The following SLC25A48 variants were observed in gnomAD, a reference collection of about 807,000 sequenced individuals.
SLC25A48 encodes the protein CTC-321K16.1.
SLC25A48 carries 29 observed loss-of-function variants against 32.2 expected under a neutral mutation model. The observed-to-expected ratio is 0.90, with a 90% CI of 0.67 to 1.23. SLC25A48 has a LOEUF of 1.23. Ranked by LOEUF, SLC25A48 falls within the 50% of genes most tolerant of loss-of-function variation. SLC25A48 has a pLI of 0.00. For missense variants in SLC25A48, 399 were observed against 422.7 expected (o/e 0.94, Z 0.49); for synonymous variants, 164 against 172.3 (o/e 0.95, Z 0.38).
intron 2 of SLC25A48, 109 bp downstream of exon 2, chr5:135,842,568 C>T: frequency 8.4e-7 from 1 of 1,187,226 alleles, no homozygotes; most frequent in Admixed American, 1.8e-5. Context: ...CTGCCCAGGG[C>T]AGACTCTCTG....
In SLC25A48 at chr5:135,667,566, C is replaced by T. The variant is rs77356436; in HGVS notation, c.-521+32610C>T. The stretch of plus-strand genomic sequence containing the variant: ...CTTGTTATTTTCTCTTAAAAACCCC[C>T]TACTCCCTTCCCTCTCTTTGGAATA... On this transcript the variant is annotated intron_variant, in intron 3 of 10. Coordinates refer to the SLC25A48 transcript ENST00000646290. Among the ~76,000 whole-genome samples the T allele has an allele frequency of 1.4e-4, 22 of 152,272 alleles. No homozygotes were observed. In the East Asian group the frequency reaches 4.1e-3, roughly 28 times the overall value.
At chr5:135,671,738 C>A (rs1006384106) in intron 3 of SLC25A48, 1 of 152,204 alleles carries the variant, frequency 6.6e-6, no homozygotes, top group Admixed American at 6.5e-5. Flanking sequence ...AGCCTTTTAA[C>A]AAACACAAGG....
intron 1 of SLC25A48, among the ~76,000 whole-genome samples, chr5:135,593,135 G>A (rs1561749251): frequency 6.6e-6 from 1 of 152,126 alleles, no homozygotes; most frequent in Non-Finnish European, 1.5e-5. Context: ...AGGCTTTCAA[G>A]GTTGTATTGC....
intron 3 of SLC25A48, among the ~76,000 whole-genome samples, chr5:135,741,050 T>G (rs2127000121): frequency 6.6e-6 from 1 of 152,376 alleles, no homozygotes; most frequent in Admixed American, 6.5e-5. Flanking sequence ...GAACATTTAC[T>G]ATTTGTCAGG....
chr5:135,799,419 G>A (rs1210022073), intron 3 of SLC25A48, among the ~76,000 whole-genome samples: 1 of 151,102 alleles, frequency 6.6e-6, no homozygotes, highest in Non-Finnish European at 1.5e-5. Flanking sequence ...TGTTTCTAAT[G>A]CCCGGTGGGG....
intron 3 of SLC25A48, among the ~76,000 whole-genome samples, chr5:135,651,828 G>GT (rs993445048): frequency 1.3e-5 from 2 of 152,192 alleles, no homozygotes; most frequent in Admixed American, 6.5e-5. Context: ...TTTATAGGTA[G>GT]TTGCTAATGG....
intron 3 of SLC25A48, among the ~76,000 whole-genome samples, chr5:135,804,689 T>A (rs1026985426): frequency 6.6e-6 from 1 of 151,676 alleles, no homozygotes; most frequent in Non-Finnish European, 1.5e-5. Context: ...TCACAGTGTG[T>A]GTACAGTCTG....
chr5:135,825,558 A>G (rs1285122956), intron 4 of SLC25A48, among the ~76,000 whole-genome samples: 4 of 152,080 alleles, frequency 2.6e-5, no homozygotes, highest in African/African-American at 9.7e-5. Flanking sequence ...TGGGACTGCC[A>G]CTGTGGTGTT....
intron 1 of SLC25A48, among the ~76,000 whole-genome samples, chr5:135,615,326 G>C (rs180738102): frequency 6.6e-6 from 1 of 152,160 alleles, no homozygotes; most frequent in Non-Finnish European, 1.5e-5. Flanking sequence ...AGTGAACACC[G>C]GGCTGATTAG....
chr5:135,737,799 A>G (rs1755409829), intron 3 of SLC25A48, among the ~76,000 whole-genome samples: 1 of 152,172 alleles, frequency 6.6e-6, no homozygotes, highest in Admixed American at 6.5e-5. Flanking sequence ...CTTGCCCTGA[A>G]TTAGTTTCTT....
chr5:135,663,421 A>G (rs1027316410), intron 3 of SLC25A48, among the ~76,000 whole-genome samples: 17 of 152,186 alleles, frequency 1.1e-4, no homozygotes, highest in African/African-American at 3.9e-4. Context: ...GTCCCCAGTC[A>G]TAACAACTAA....
chr5:135,582,204 T>C (rs1463700761), intron 1 of SLC25A48, among the ~76,000 whole-genome samples: 2 of 152,114 alleles, frequency 1.3e-5, no homozygotes, highest in African/African-American at 2.4e-5. Flanking sequence ...CCCCAGGGAT[T>C]TGCTTATTTC....
intron 4 of SLC25A48, among the ~76,000 whole-genome samples, chr5:135,870,266 C>T (rs576685382): frequency 6.6e-6 from 1 of 152,246 alleles, no homozygotes; most frequent in Non-Finnish European, 1.5e-5. Context: ...GGTCATGTCA[C>T]ATTATGTTAT....
intron 2 of SLC25A48, among the ~76,000 whole-genome samples, chr5:135,634,300 C>G (rs1580740460): frequency 6.6e-6 from 1 of 152,246 alleles, no homozygotes; most frequent in Non-Finnish European, 1.5e-5. Context: ...ATGCAAATAA[C>G]AGGCATCTCT....
At chr5:135,824,670 T>C (rs1284069675) in intron 4 of SLC25A48, 1 of 152,162 alleles carries the variant, frequency 6.6e-6, no homozygotes, top group African/African-American at 2.4e-5. Context: ...GCTCAGTGGG[T>C]TCTTCCCTTA....
chr5:135,681,327 T>C (rs891219867), intron 3 of SLC25A48, among the ~76,000 whole-genome samples: 10 of 152,246 alleles, frequency 6.6e-5, no homozygotes, highest in African/African-American at 2.4e-4. Context: ...TATTTTCTTT[T>C]CTTCAGCAGT....
intron 6 of SLC25A48, chr5:135,875,239 G>A (rs1194016844): frequency 6.6e-6 from 1 of 152,418 alleles, no homozygotes; most frequent in African/African-American, 2.4e-5. Flanking sequence ...CCATTCCCAG[G>A]ATCCATGTCC....
At chr5:135,635,992 A>G (rs986274051) in intron 3 of SLC25A48, among the ~76,000 whole-genome samples, 1 of 152,244 alleles carries the variant, frequency 6.6e-6, no homozygotes, top group Admixed American at 6.5e-5. Flanking sequence ...ATTAATGAGT[A>G]GTCCCCCAAC....
intron 3 of SLC25A48, among the ~76,000 whole-genome samples, chr5:135,763,801 C>G (rs532529462): frequency 9.4e-4 from 126 of 134,724 alleles, no homozygotes; most frequent in East Asian, 3.4e-3. Flanking sequence ...GAGAGAGAGA[C>G]AGAGAAAACC....
Sources: allele counts gnomAD v4.1 joint callset (sites outside exome capture counted in the v4.1 genomes callset), GRCh38; gene constraint gnomAD v4.1.1; transcripts MANE v1.5; gene names NCBI Gene and HGNC (gene_info 2026-07-23, HGNC 2026-07-21).